The following ATF3 variants were observed in gnomAD, a reference collection of about 807,000 sequenced individuals.
ATF3 encodes cyclic AMP-dependent transcription factor ATF-3.
Under a neutral mutation model 18.4 loss-of-function variants are expected in ATF3, and 10 were observed. The ratio of observed to expected loss-of-function variants is 0.54; its 90% CI spans 0.34 to 0.92. The LOEUF (loss-of-function observed/expected upper bound fraction) is 0.92, where lower values mean the gene tolerates loss of function less well. ATF3 is among the 40% of genes least tolerant of loss of function. ATF3 has a pLI of 0.02. For synonymous variants in ATF3, 78 were observed against 87.9 expected, an observed-to-expected ratio of 0.89 and a Z score of 0.63; for missense variants, 183 against 222.3, an observed-to-expected ratio of 0.82 and a Z score of 1.12.
intron 2 of ATF3, among the ~76,000 whole-genome samples, chr1:212,616,382 T>G (rs1655127925): frequency 6.6e-6 from 1 of 152,100 alleles, no homozygotes; most frequent in Non-Finnish European, 1.5e-5. Context: ...CTGCAACCTC[T>G]GCCTCCCAGG....
chr1:212,571,897 A>G (rs985049742), intron 1 of ATF3, among the ~76,000 whole-genome samples: 110 of 150,856 alleles, frequency 7.3e-4, no homozygotes, highest in African/African-American at 2.4e-3. Flanking sequence ...TATTTTTAGT[A>G]GAGACTGGGT....
intron 1 of ATF3, among the ~76,000 whole-genome samples, chr1:212,575,625 T>G (rs1664564708): frequency 6.6e-6 from 1 of 152,136 alleles, no homozygotes; most frequent in Admixed American, 6.5e-5. Flanking sequence ...ATAGTACCAA[T>G]TAATATAATA....
rs1655265677 is a variant in ATF3, at chr1:212,619,258, G to A, written c.349-100G>A. On this transcript the variant is annotated intron_variant, in intron 3 of 3. Coordinates refer to ENST00000341491, the MANE Select transcript of ATF3 (RefSeq NM_001674.4). The surrounding 1 kb of genome is among the most constrained non-coding windows in gnomAD (Gnocchi z 4.4). ...CTCTCGCAGCTTGATGAGCCCCGGTGTGTCCCAGGTACACCCCTGCATCCA... is the reference window on the plus strand; with the variant it reads ...CTCTCGCAGCTTGATGAGCCCCGGTATGTCCCAGGTACACCCCTGCATCCA... 10 of 1,610,930 alleles carry A rather than the reference G, an allele frequency of 6.2e-6. No individual in the cohort carries two copies. In the Admixed American group the frequency reaches 1.3e-4, roughly 22 times the overall value.
chr1:212,615,893 G>A (rs1262328748), intron 2 of ATF3, among the ~76,000 whole-genome samples: 1 of 150,876 alleles, frequency 6.6e-6, no homozygotes, highest in Non-Finnish European at 1.5e-5. Context: ...GGGCTCAAGC[G>A]ATCCTCCTGC....
intron 1 of ATF3, among the ~76,000 whole-genome samples, chr1:212,589,798 T>A (rs1664847399): frequency 7.7e-6 from 1 of 129,282 alleles, no homozygotes; most frequent in African/African-American, 3.0e-5. Flanking sequence ...TGACTCTTGG[T>A]CAACTTTTTT....
At chr1:212,600,024 G>A (rs1654438202) in intron 1 of ATF3, among the ~76,000 whole-genome samples, 1 of 152,240 alleles carries the variant, frequency 6.6e-6, no homozygotes, top group Non-Finnish European at 1.5e-5. Context: ...AGGGGAAAAA[G>A]GCTATTTTAA....
chr1:212,600,585 C>T (rs1654454048), intron 1 of ATF3, among the ~76,000 whole-genome samples: 2 of 152,260 alleles, frequency 1.3e-5, no homozygotes, highest in African/African-American at 2.4e-5. Flanking sequence ...ATATGACTTT[C>T]TCTATGCCTG....
rs150364128 is a variant in ATF3, at chr1:212,594,166, C to G, written c.-4-20852C>G. On this transcript the variant is annotated intron_variant, in intron 1 of 3. Transcript: ENST00000366981. ...ATTCTGTTTCCTCCAGTTCGGGGCT[C>G]GGTGGAGCTGACGAGCAGCTGGCCA... Among the ~76,000 whole-genome samples, 782 of 152,262 alleles carry G rather than the reference C, an allele frequency of 5.1e-3. 2 individuals carry two copies. The highest frequency in any genetic ancestry group is 0.014 in the Middle Eastern group (4 of 294).
At chr1:212,572,092 T>A (rs974534275) in intron 1 of ATF3, among the ~76,000 whole-genome samples, 2 of 152,250 alleles carry the variant, frequency 1.3e-5, no homozygotes, top group Admixed American at 6.5e-5. Context: ...TCAGAATATC[T>A]ATTCTATGTC....
chr1:212,593,722 T>C (rs1450890190), intron 1 of ATF3, among the ~76,000 whole-genome samples: 1 of 131,758 alleles, frequency 7.6e-6, no homozygotes, highest in African/African-American at 3.0e-5. Context: ...GCCTGGATGA[T>C]AGAGAGAGAC....
chr1:212,593,708 T>A (rs962489996), intron 1 of ATF3, among the ~76,000 whole-genome samples: 1 of 138,178 alleles, frequency 7.2e-6, no homozygotes, highest in Admixed American at 7.8e-5. Context: ...CCTAATGCAC[T>A]CCAGCCTGGA....
chr1:212,610,285 C>T (rs1018931975), intron 1 of ATF3, among the ~76,000 whole-genome samples: 2 of 152,172 alleles, frequency 1.3e-5, no homozygotes, highest in Non-Finnish European at 2.9e-5. Flanking sequence ...AAAAGGAGAG[C>T]CAGAAAATCT....
intron 1 of ATF3, among the ~76,000 whole-genome samples, chr1:212,603,683 C>G (rs777309063): frequency 1.3e-5 from 2 of 151,892 alleles, no homozygotes; most frequent in Non-Finnish European, 2.9e-5. Flanking sequence ...TAATAAGAAT[C>G]AGGATAGTGG....
chr1:212,616,392 G>T lies in ATF3; in HGVS notation c.240+1131G>T, dbSNP rs183855085. 1.6e-3 allele frequency among the ~76,000 whole-genome samples: 251 copies of T among 152,182 alleles called. 1 individual carries two copies. In the South Asian group the frequency reaches 0.02, roughly 12 times the overall value. ...GCTCACTGCAACCTCTGCCTCCCAG[G>T]TTCAAGGGATTCTCATGCCTCAGTC... On this transcript the variant is annotated intron_variant, in intron 2 of 3. Coordinates refer to ENST00000341491, the MANE Select transcript of ATF3 (RefSeq NM_001674.4).
In ATF3 at chr1:212,615,140, T is replaced by C. The variant is rs781020146; in HGVS notation, c.119T>C (p.Phe40Ser). Residue 40 changes from phenylalanine (F) to serine (S), a missense_variant, in exon 2 of 4, where the codon TTT becomes TCT. By Grantham distance (155) the Phe-to-Ser change is radical (BLOSUM62 -2). Transcript: ENST00000341491. ...VFEDFANLTP[F>S]VKEELRFAIQ... ...GAGGATTTTGCTAACCTGACGCCCT[T>C]TGTCAAGGAAGAGCTGAGGTTTGCC... is the stretch of plus-strand genomic sequence containing the variant. 1.9e-6 allele frequency: 3 copies of C among 1,614,178 alleles called. No homozygotes were observed. Among genetic ancestry groups the C allele is most frequent in the Non-Finnish European group, 2.5e-6 (3 of 1,180,034 alleles).
At chr1:212,582,370 A>T (rs529749044) in intron 1 of ATF3, among the ~76,000 whole-genome samples, 9 of 152,226 alleles carry the variant, frequency 5.9e-5, no homozygotes, top group East Asian at 5.8e-4. Context: ...GCTCATAAAG[A>T]GACTGAAGTC....
intron 1 of ATF3, among the ~76,000 whole-genome samples, chr1:212,601,503 T>C (rs931484705): frequency 2.0e-5 from 3 of 152,248 alleles, no homozygotes; most frequent in African/African-American, 7.2e-5. Flanking sequence ...TCGCTTAATG[T>C]AAGTTTTGAA....
chr1:212,583,811 C>T (rs369361309), intron 1 of ATF3, among the ~76,000 whole-genome samples: 85 of 152,248 alleles, frequency 5.6e-4, no homozygotes, highest in African/African-American at 1.8e-3. Context: ...ACAACACTCC[C>T]GCTGGGCATC....
intron 1 of ATF3, among the ~76,000 whole-genome samples, chr1:212,602,380 C>T (rs1654507280): frequency 6.6e-6 from 1 of 152,140 alleles, no homozygotes; most frequent in Non-Finnish European, 1.5e-5. Flanking sequence ...TGCTAAGGTT[C>T]CTTTCGGTAT....
Sources: allele counts gnomAD v4.1 joint callset (sites outside exome capture counted in the v4.1 genomes callset), GRCh38; gene constraint gnomAD v4.1.1; non-coding constraint Gnocchi (gnomAD v3.1); transcripts MANE v1.5; gene names NCBI Gene and HGNC (gene_info 2026-07-23, HGNC 2026-07-21).